DIAPH1: variants seen among roughly 807,000 people sequenced by gnomAD.
DIAPH1 encodes the protein protein diaphanous homolog 1.
In DIAPH1, 46 loss-of-function variants were observed where a neutral mutation model predicts 140.7. That is an observed-to-expected ratio of 0.33 (90% CI 0.26 to 0.42). The LOEUF (loss-of-function observed/expected upper bound fraction) is 0.42, where lower values mean the gene tolerates loss of function less well. Ranked by LOEUF, DIAPH1 falls within the 10% of genes least tolerant of loss-of-function variation. The pLI, the probability that DIAPH1 is intolerant of heterozygous loss-of-function variation, is 1.00. For missense variants in DIAPH1, 1,310 were observed against 1,558.7 expected (o/e 0.84, Z 2.69); for synonymous variants, 565 against 551.6 (o/e 1.02, Z -0.34).
chr5:141,602,791 A>G (rs941335173), intron 1 of DIAPH1, among the ~76,000 whole-genome samples: 12 of 152,242 alleles, frequency 7.9e-5, no homozygotes, highest in Non-Finnish European at 1.6e-4. Context: ...AGAAAATGAA[A>G]TAATGGACAA....
At chr5:141,548,062 G>C (rs565176847) in intron 18 of DIAPH1, among the ~76,000 whole-genome samples, 1 of 152,002 alleles carries the variant, frequency 6.6e-6, no homozygotes, top group African/African-American at 2.4e-5. Flanking sequence ...AGCTGGATGC[G>C]GTGGTGCACG....
chr5:141,554,240 G>A (rs1020441103), intron 18 of DIAPH1, among the ~76,000 whole-genome samples: 19 of 152,212 alleles, frequency 1.2e-4, no homozygotes, highest in Middle Eastern at 3.4e-3. Context: ...TTGTGCCACC[G>A]CACTCCAGCC....
At chr5:141,556,237 C>T (rs1319964423) in intron 18 of DIAPH1, among the ~76,000 whole-genome samples, 1 of 152,070 alleles carries the variant, frequency 6.6e-6, no homozygotes, top group East Asian at 1.9e-4. Flanking sequence ...TATATTTTTT[C>T]TTTCTGTAAA....
chr5:141,521,288 C>T lies in DIAPH1; in HGVS notation c.3661+2855G>A, dbSNP rs2099886499. Among the ~76,000 whole-genome samples the T allele has an allele frequency of 2.6e-5, 4 of 152,022 alleles. No individual in the cohort carries two copies. The South Asian group carries it at 8.3e-4, about 32-fold the overall frequency. ...TTTCTTTCTTCCCTTGGCTTTTATC[C>T]CAGTGAGCAAATGACTTGTATACAA... On this transcript the variant is annotated intron_variant, in intron 27 of 27. Coordinates refer to ENST00000389054, the MANE Select transcript of DIAPH1 (RefSeq NM_005219.5).
At chr5:141,609,340 G>C (rs2099901452) in intron 1 of DIAPH1, among the ~76,000 whole-genome samples, 1 of 152,158 alleles carries the variant, frequency 6.6e-6, no homozygotes, top group Non-Finnish European at 1.5e-5. Context: ...ATTCCTAGCA[G>C]TGAATAGTTA....
rs921200038 is a variant in DIAPH1, at chr5:141,573,360, G to A, written c.2358+132C>T. The stretch of plus-strand genomic sequence containing the variant: ...TGAGGCAGGAGAATGGCGTGAACCC[G>A]GGAGGCGGAGCTTGCAGTGAGCCGA... On this transcript the variant is annotated intron_variant, in intron 16 of 27. Coordinates refer to ENST00000389054, the MANE Select transcript of DIAPH1 (RefSeq NM_005219.5). 5.1e-5 allele frequency: 57 copies of A among 1,120,592 alleles called. No individual in the cohort carries two copies. In the African/African-American group the frequency reaches 5.4e-4, roughly 11 times the overall value. 69.4% of individuals were successfully genotyped at this position (1,120,592 alleles called of 1,614,324 possible).
At chr5:141,562,922 G>GCTAGATATCC (rs2099893814) in intron 18 of DIAPH1, 1 of 152,148 alleles carries the variant, frequency 6.6e-6, no homozygotes, top group South Asian at 2.1e-4. Context: ...TTTGACACTT[G>GCTAGATATCC]CTAGATATCC....
chr5:141,610,627 G>A (rs899535367), intron 1 of DIAPH1, among the ~76,000 whole-genome samples: 1 of 151,440 alleles, frequency 6.6e-6, no homozygotes, highest in Non-Finnish European at 1.5e-5. Context: ...TAGAAATGGG[G>A]TTTCACCACA....
At chr5:141,569,068 A>G (rs1000034300) in intron 18 of DIAPH1, among the ~76,000 whole-genome samples, 12 of 152,224 alleles carry the variant, frequency 7.9e-5, no homozygotes, top group Admixed American at 3.9e-4. Context: ...AGTCACTGCC[A>G]ATTCAAGGAC....
intron 14 of DIAPH1, 48 bp from the exon 15 acceptor site, chr5:141,575,194 A>T: frequency 6.3e-7 from 1 of 1,594,886 alleles, no homozygotes; most frequent in South Asian, 1.1e-5. Context: ...CATCTCAGTA[A>T]GAAGCACAAG....
Position 141,573,996 on chromosome 5 carries a change from TGGA to T in DIAPH1, c.1851_1853del (p.Pro620del), listed in dbSNP as rs3075570. 40,880 of 1,280,532 alleles carry T rather than the reference TGGA, an allele frequency of 0.032. 187 individuals carry two copies. Among genetic ancestry groups the T allele is most frequent in the Middle Eastern group, 0.046 (173 of 3,762 alleles). The allele number at this position is 1,280,532 out of a possible 1,614,324, so 79.3% of individuals were successfully genotyped here. A position where few individuals can be genotyped will look rare whatever the true frequency, so the allele number is the denominator to read the frequency against. On this transcript the variant is annotated inframe_deletion, in exon 16 of 28. Transcript: ENST00000389054. ...TGCAAACACCCCCAGGCAAAGGAGG[TGGA>T]GGAGGAGGAGGAGGAGGAGGAGGAG...
intron 18 of DIAPH1, among the ~76,000 whole-genome samples, chr5:141,553,689 G>A (rs2099892105): frequency 6.6e-6 from 1 of 151,380 alleles, no homozygotes; most frequent in African/African-American, 2.4e-5. Flanking sequence ...ATATATGACA[G>A]GGAAAAAAGA....
At chr5:141,553,058 G>A (rs903160757) in intron 18 of DIAPH1, among the ~76,000 whole-genome samples, 1 of 152,010 alleles carries the variant, frequency 6.6e-6, no homozygotes, top group African/African-American at 2.4e-5. Context: ...GGAGGCTGAC[G>A]CGGGCCTATC....
chr5:141,549,858 T>C lies in DIAPH1; in HGVS notation c.2483-15425A>G, dbSNP rs1182351547. 2.0e-5 allele frequency among the ~76,000 whole-genome samples: 3 copies of C among 152,076 alleles called. No homozygotes were observed. In the South Asian group the frequency reaches 6.2e-4, roughly 32 times the overall value. On this transcript the variant is annotated intron_variant, in intron 18 of 27. Coordinates refer to ENST00000389054, the MANE Select transcript of DIAPH1 (RefSeq NM_005219.5). ...TCATAAAAAGCACAAAATAAGACGG[T>C]AGATTTAAACCTCAATATTTCAGTA...
chr5:141,593,365 G>A (rs2099898784), intron 1 of DIAPH1, among the ~76,000 whole-genome samples: 1 of 152,148 alleles, frequency 6.6e-6, no homozygotes, highest in Admixed American at 6.5e-5. Flanking sequence ...CTGGATTGGA[G>A]GATGCCAGGG....
intron 23 of DIAPH1, 71 bp downstream of exon 23, chr5:141,528,382 T>G: frequency 6.2e-7 from 1 of 1,606,844 alleles, no homozygotes; most frequent in Non-Finnish European, 8.5e-7. Flanking sequence ...TGCTCTCACA[T>G]CTAGACTGTG....
chr5:141,604,916 T>C (rs568243249), intron 1 of DIAPH1, among the ~76,000 whole-genome samples: 1 of 152,320 alleles, frequency 6.6e-6, no homozygotes, highest in African/African-American at 2.4e-5. Flanking sequence ...TGAAATCTTA[T>C]TATTTCTCTA....
Position 141,583,296 on chromosome 5 carries a change from T to C in DIAPH1, c.534-4A>G. The stretch of plus-strand genomic sequence containing the variant: ...AGCACCAAATGTTTGCACCCAACTG[T>C]AAGGAACAGAGAGAGGCAATGCAAT... On this transcript the variant is annotated splice_polypyrimidine_tract_variant and splice_region_variant and intron_variant, in intron 5 of 27. Coordinates refer to ENST00000389054, the MANE Select transcript of DIAPH1 (RefSeq NM_005219.5). 1 of 1,614,028 alleles carries C rather than the reference T, an allele frequency of 6.2e-7. No individual in the cohort carries two copies. The highest frequency in any genetic ancestry group is 2.2e-5 in the East Asian group (1 of 44,894).
intron 19 of DIAPH1, among the ~76,000 whole-genome samples, chr5:141,533,961 G>C (rs1204278916): frequency 6.7e-6 from 1 of 148,214 alleles, no homozygotes; most frequent in Non-Finnish European, 1.5e-5. Flanking sequence ...AGCCCAGGAA[G>C]CTGAGGTGGC....
Sources: gnomAD v4.1 joint callset for allele counts (sites outside exome capture counted in the v4.1 genomes callset) on GRCh38, gnomAD v4.1.1 for gene constraint, MANE v1.5 for transcripts, NCBI Gene and HGNC (gene_info 2026-07-23, HGNC 2026-07-21) for gene names.